The following ARMC2 variants were observed in gnomAD, a reference collection of about 807,000 sequenced individuals.
The protein encoded by ARMC2 is armadillo repeat-containing protein 2.
A neutral mutation model predicts 90.3 loss-of-function variants in ARMC2; 67 were observed. The observed-to-expected ratio is 0.74, with a 90% CI of 0.61 to 0.91. The LOEUF is 0.91. Ranked by LOEUF, ARMC2 falls within the 40% of genes least tolerant of loss-of-function variation. ARMC2 has a pLI of 0.00. For synonymous variants in ARMC2, 393 were observed against 393.0 expected (o/e 1.00, Z 0.00); for missense variants, 920 against 1,030.9 (o/e 0.89, Z 1.47).
chr6:108,914,555 G>A (rs569178101), intron 10 of ARMC2, among the ~76,000 whole-genome samples: 1 of 152,218 alleles, frequency 6.6e-6, no homozygotes, highest in African/African-American at 2.4e-5. Flanking sequence ...TGTCTAGCAG[G>A]AGAAAATGGA....
the ARMC2 span, among the ~76,000 whole-genome samples, chr6:108,993,562 T>A: frequency 1.3e-5 from 2 of 152,208 alleles, no homozygotes; most frequent in Non-Finnish European, 2.9e-5. Context: ...AACTCGGTGC[T>A]CTTTCTCCCA....
chr6:109,009,875 C>T, the ARMC2 span, among the ~76,000 whole-genome samples: 1 of 152,028 alleles, frequency 6.6e-6, no homozygotes, highest in Non-Finnish European at 1.5e-5. Context: ...CACCCCTGCT[C>T]GGCCATTTAC....
At chr6:108,896,826 C>T (rs1014800105) in intron 6 of ARMC2, among the ~76,000 whole-genome samples, 1 of 152,140 alleles carries the variant, frequency 6.6e-6, no homozygotes, top group African/African-American at 2.4e-5. Context: ...GTAAAAAATG[C>T]AGACTTGAAC....
chr6:108,920,054 G>A (rs977761676), intron 10 of ARMC2, among the ~76,000 whole-genome samples: 2 of 152,160 alleles, frequency 1.3e-5, no homozygotes, highest in African/African-American at 4.8e-5. Flanking sequence ...ATATGGATAT[G>A]CCATAGTTAC....
intron 3 of ARMC2, 78 bp downstream of exon 3, chr6:108,858,349 C>T (rs1774866237): frequency 1.0e-6 from 1 of 1,000,080 alleles, no homozygotes; most frequent in Non-Finnish European, 1.5e-6. Context: ...GGAATCAGTA[C>T]TTATATATGC....
intron 5 of ARMC2, among the ~76,000 whole-genome samples, chr6:108,888,091 G>A (rs1260546942): frequency 6.6e-6 from 1 of 152,172 alleles, no homozygotes; most frequent in East Asian, 1.9e-4. Flanking sequence ...ACTACCTTTG[G>A]CTGAGTGCTG....
intron 12 of ARMC2, among the ~76,000 whole-genome samples, chr6:108,949,811 A>G (rs920518433): frequency 9.9e-5 from 15 of 152,224 alleles, no homozygotes; most frequent in Admixed American, 3.9e-4. Context: ...TAAATATCCC[A>G]TAGCTTCTTT....
rs1023474901 is a variant in ARMC2 at position 108,862,367 on chromosome 6, A to C, written c.291+4096A>C. 3.2e-4 allele frequency among the ~76,000 whole-genome samples: 48 copies of C among 149,750 alleles called. 1 individual carries two copies. Among genetic ancestry groups the C allele is most frequent in the South Asian group, 2.5e-3 (12 of 4,710 alleles). On this transcript the variant is annotated intron_variant, in intron 3 of 17. Transcript: ENST00000392644. ...CAAAAAAAAAAAAAAAACAAAAAAAACAAACAAAACCAAAAAGCAAAGTAA... is the reference window on the plus strand; with the variant it reads ...CAAAAAAAAAAAAAAAACAAAAAAACCAAACAAAACCAAAAAGCAAAGTAA...
At chr6:108,851,694 A>C (rs1774029384) in intron 1 of ARMC2, among the ~76,000 whole-genome samples, 1 of 152,110 alleles carries the variant, frequency 6.6e-6, no homozygotes. Flanking sequence ...TAATCCCAGC[A>C]CTTCAAGAAG....
the ARMC2 span, chr6:108,987,481 C>T: frequency 2.3e-6 from 2 of 885,702 alleles, no homozygotes; most frequent in Non-Finnish European, 3.7e-6. Flanking sequence ...GGGCTTAGTA[C>T]CTTCCCCCTT....
At chr6:108,957,080 T>C (rs904966408) in intron 13 of ARMC2, among the ~76,000 whole-genome samples, 54 of 152,216 alleles carry the variant, frequency 3.5e-4, no homozygotes, top group African/African-American at 1.3e-3. Flanking sequence ...TGGTACCATA[T>C]GAGGTTGAGC....
chr6:108,976,469 G>T (rs1778985265), downstream of ARMC2, among the ~76,000 whole-genome samples: 1 of 152,116 alleles, frequency 6.6e-6, no homozygotes, highest in South Asian at 2.1e-4. Context: ...TTTTGCTTAG[G>T]ATTCTCTTGG....
At chr6:108,987,519 A>G in the ARMC2 span, 4 of 1,344,150 alleles carry the variant, frequency 3.0e-6, no homozygotes, top group Non-Finnish European at 4.3e-6. Context: ...ATCATTCCAG[A>G]ATCATCTTTA....
the ARMC2 span, among the ~76,000 whole-genome samples, chr6:108,985,491 C>CCAA: frequency 6.6e-6 from 1 of 152,136 alleles, no homozygotes; most frequent in South Asian, 2.1e-4. Context: ...AGAAAACACT[C>CCAA]CAACAGGAAG....
At chr6:108,968,348 A>C (rs1778518542) in intron 17 of ARMC2, among the ~76,000 whole-genome samples, 1 of 152,232 alleles carries the variant, frequency 6.6e-6, no homozygotes, top group Non-Finnish European at 1.5e-5. Flanking sequence ...TGTGTTTTCC[A>C]GCCGCTCCGT....
At chr6:108,931,096 C>T (rs1268706856) in intron 11 of ARMC2, among the ~76,000 whole-genome samples, 2 of 151,624 alleles carry the variant, frequency 1.3e-5, no homozygotes. Context: ...TCAAGTAGAC[C>T]CCAACATCTG....
chr6:108,994,509 G>A, the ARMC2 span: 15 of 1,613,020 alleles, frequency 9.3e-6, no homozygotes, highest in South Asian at 1.3e-4. Flanking sequence ...TTCAAAACGT[G>A]AAGCCATCTC....
chr6:108,968,643 G>C lies in ARMC2; in HGVS notation c.2446+3503G>C, dbSNP rs534573133. On this transcript the variant is annotated intron_variant, in intron 17 of 17. Coordinates refer to ENST00000392644, the MANE Select transcript of ARMC2 (RefSeq NM_032131.6). ...CTGCTGCGAGTGAAATGGGCATGTG[G>C]GTGAGAGTATACTTGCATTTCAATT... Among the ~76,000 whole-genome samples the C allele has an allele frequency of 2.0e-3, 305 of 152,262 alleles. 2 individuals are homozygous for C. The highest frequency in any genetic ancestry group is 7.2e-3 in the African/African-American group (301 of 41,548).
At chr6:108,907,021 A>G (rs937613019) in intron 8 of ARMC2, among the ~76,000 whole-genome samples, 4 of 152,248 alleles carry the variant, frequency 2.6e-5, no homozygotes, top group African/African-American at 7.2e-5. Flanking sequence ...TATGTCTTAA[A>G]GTCATAATTT....
Sources: gnomAD v4.1 joint callset for allele counts (sites outside exome capture counted in the v4.1 genomes callset) on GRCh38, gnomAD v4.1.1 for gene constraint, MANE v1.5 for transcripts, NCBI Gene and HGNC (gene_info 2026-07-23, HGNC 2026-07-21) for gene names.